UBP1: variants seen among roughly 807,000 people sequenced by gnomAD.
The protein encoded by UBP1 is upstream binding protein 1.
UBP1 carries 22 observed loss-of-function variants against 76.1 expected under a neutral mutation model. That is an observed-to-expected ratio of 0.29 (90% CI 0.21 to 0.41). The LOEUF (loss-of-function observed/expected upper bound fraction) is 0.41, where lower values mean the gene tolerates loss of function less well. Ranked by LOEUF, UBP1 falls within the 10% of genes least tolerant of loss-of-function variation. UBP1 has a pLI of 1.00. For missense variants in UBP1, 436 were observed against 668.1 expected, an observed-to-expected ratio of 0.65 and a Z score of 3.83; for synonymous variants, 224 against 237.1, an observed-to-expected ratio of 0.94 and a Z score of 0.51.
At chr3:33,400,091 CAT>C in intron 11 of UBP1, 96 bp downstream of exon 11, 1 of 700,282 alleles carries the variant, frequency 1.4e-6, no homozygotes, top group Middle Eastern at 2.9e-4. Flanking sequence ...ACTTCCTATC[CAT>C]AGTTATTTCA....
At chr3:33,410,999 G>T (rs1400400162) in intron 5 of UBP1, among the ~76,000 whole-genome samples, 2 of 151,756 alleles carry the variant, frequency 1.3e-5, no homozygotes, top group African/African-American at 4.9e-5. Flanking sequence ...CTTGAATCTG[G>T]GAGGCGGAGA....
chr3:33,396,005 C>G (rs1300147778), intron 13 of UBP1, among the ~76,000 whole-genome samples, 157 bp downstream of exon 13: 1 of 152,206 alleles, frequency 6.6e-6, no homozygotes, highest in African/African-American at 2.4e-5. Context: ...GGACTTCACC[C>G]TAGAGCTGCC....
At chr3:33,428,058 T>A (rs1271929279) in intron 1 of UBP1, among the ~76,000 whole-genome samples, 2 of 151,976 alleles carry the variant, frequency 1.3e-5, no homozygotes, top group African/African-American at 2.4e-5. Flanking sequence ...GGGGCACGCC[T>A]GTAGTCCCAG....
chr3:33,409,104 A>C, intron 7 of UBP1, 132 bp downstream of exon 7: 1 of 884,540 alleles, frequency 1.1e-6, no homozygotes, highest in South Asian at 1.7e-5. Context: ...TTTCCCCAGA[A>C]ATTTCACAGA....
intron 3 of UBP1, among the ~76,000 whole-genome samples, chr3:33,414,583 C>T (rs762018006): frequency 7.9e-5 from 12 of 152,162 alleles, no homozygotes; most frequent in Non-Finnish European, 1.2e-4. Flanking sequence ...AGTCAAAGAT[C>T]CTAGGGCCAG....
chr3:33,406,707 A>G (rs772749335), intron 8 of UBP1, among the ~76,000 whole-genome samples: 3 of 152,242 alleles, frequency 2.0e-5, no homozygotes, highest in African/African-American at 4.8e-5. Flanking sequence ...TCCTGAATTC[A>G]TAACGGCGCT....
Position 33,438,347 on chromosome 3 carries a change from C to T in UBP1, c.113+1389G>A, listed in dbSNP as rs151156303. On this transcript the variant is annotated intron_variant, in intron 1 of 15. Transcript: ENST00000283629. ...ACACATATTGAACTTGCTTCACGTG[C>T]CTCCTTTGCCTTGACTATAAGCCTC... is the stretch of plus-strand genomic sequence containing the variant. 9.4e-3 allele frequency among the ~76,000 whole-genome samples: 1,437 copies of T among 152,266 alleles called. 26 individuals are homozygous for T. The highest frequency in any genetic ancestry group is 0.033 in the African/African-American group (1,360 of 41,546).
At position 33,422,902 on chromosome 3, in the gene UBP1, T is replaced by TAAATGCTAA. The variant is rs2044936210; in HGVS notation, c.265+2679_265+2687dup. Among the ~76,000 whole-genome samples the TAAATGCTAA allele has an allele frequency of 2.0e-5, 3 of 152,260 alleles. No homozygotes were observed. In the South Asian group the frequency reaches 6.2e-4, roughly 32 times the overall value. On this transcript the variant is annotated intron_variant, in intron 2 of 15. Coordinates refer to ENST00000283629, the MANE Select transcript of UBP1 (RefSeq NM_014517.5). ...GGTTTAAAACTTTTTGTCAAGATGATAAATGCTAAGATACAGTCTGTGCAA... is the reference window on the plus strand; with the variant it reads ...GGTTTAAAACTTTTTGTCAAGATGATAAATGCTAAAAATGCTAAGATACAGTCTGTGCAA...
At chr3:33,419,283 T>TC (rs953759478) in intron 2 of UBP1, among the ~76,000 whole-genome samples, 1 of 151,888 alleles carries the variant, frequency 6.6e-6, no homozygotes, top group Non-Finnish European at 1.5e-5. Context: ...TTACTTGAGG[T>TC]CAGGAGTTCA....
At chr3:33,419,323 C>T (rs754589824) in intron 2 of UBP1, among the ~76,000 whole-genome samples, 26 of 151,978 alleles carry the variant, frequency 1.7e-4, no homozygotes, top group African/African-American at 2.7e-4. Context: ...GGTGAAACCC[C>T]GTCTCTACTA....
chr3:33,426,029 A>ATATATATT, intron 1 of UBP1, among the ~76,000 whole-genome samples: 1 of 89,158 alleles, frequency 1.1e-5, no homozygotes, highest in African/African-American at 4.0e-5. Flanking sequence ...ATATATATAT[A>ATATATATT]TATATATATA....
chr3:33,429,169 T>C lies in UBP1; in HGVS notation c.114-3428A>G, dbSNP rs556043232. ...AATACTTGCTAAATCAATGAACTGA[T>C]TGCTGCATTAATAATCAACCAATTA... On this transcript the variant is annotated intron_variant, in intron 1 of 15. Transcript: ENST00000283629. Among the ~76,000 whole-genome samples the C allele has an allele frequency of 5.9e-5, 9 of 152,318 alleles. No individual in the cohort carries two copies. The East Asian group carries it at 9.6e-4, about 16-fold the overall frequency.
Position 33,389,613 on chromosome 3 carries a change from A to G in UBP1, c.*718T>C, listed in dbSNP as rs1575439417. 6.6e-6 allele frequency: 1 copy of G among 152,328 alleles called. No individual in the cohort carries two copies. The highest frequency in any genetic ancestry group is 1.5e-5 in the Non-Finnish European group (1 of 68,018). 9.4% of individuals were successfully genotyped at this position (152,328 alleles called of 1,614,324 possible). A position where few individuals can be genotyped will look rare whatever the true frequency, so the allele number is the denominator to read the frequency against. On this transcript the variant is annotated 3_prime_UTR_variant, in exon 16 of 16. Transcript: ENST00000283629. ...TGCTAAAAATGGAAGCAGAAGCAAA[A>G]AAGTTTTTCAATAAATCTGTGACAA...
At chr3:33,428,181 CAAAAAAAA>C (rs59049122) in intron 1 of UBP1, among the ~76,000 whole-genome samples, 4 of 57,234 alleles carry the variant, frequency 7.0e-5, no homozygotes, top group Admixed American at 4.5e-4. Context: ...GATTCCATCT[CAAAAAAAA>C]AAAAAAAAAA....
At chr3:33,404,594 C>T (rs1464353567) in intron 8 of UBP1, among the ~76,000 whole-genome samples, 2 of 151,894 alleles carry the variant, frequency 1.3e-5, no homozygotes, top group Non-Finnish European at 2.9e-5. Flanking sequence ...CTGCAGTGAG[C>T]CATGACTACA....
chr3:33,411,347 C>T (rs1474136386), intron 5 of UBP1, among the ~76,000 whole-genome samples: 1 of 152,074 alleles, frequency 6.6e-6, no homozygotes, highest in African/African-American at 2.4e-5. Flanking sequence ...ATTGGGACTA[C>T]TAGTGGTAAA....
chr3:33,402,675 A>C (rs768674986), intron 9 of UBP1, 126 bp downstream of exon 9: 2 of 623,152 alleles, frequency 3.2e-6, no homozygotes, highest in Non-Finnish European at 5.1e-6. Flanking sequence ...AAGATACAGG[A>C]TACTTCCCCT....
At chr3:33,428,340 T>A (rs1035374870) in intron 1 of UBP1, among the ~76,000 whole-genome samples, 3 of 152,162 alleles carry the variant, frequency 2.0e-5, no homozygotes, top group Non-Finnish European at 4.4e-5. Flanking sequence ...GAATGAGAGT[T>A]GTGACTCAGA....
At chr3:33,396,647 T>C (rs1243431123) in intron 12 of UBP1, 1 of 411,090 alleles carries the variant, frequency 2.4e-6, no homozygotes, top group African/African-American at 2.0e-5. Flanking sequence ...CAGCACAATT[T>C]ACAGTTTCTG....
Sources: allele counts gnomAD v4.1 joint callset (sites outside exome capture counted in the v4.1 genomes callset), GRCh38; gene constraint gnomAD v4.1.1; transcripts MANE v1.5; gene names NCBI Gene and HGNC (gene_info 2026-07-23, HGNC 2026-07-21).